The following PHF21B variants were observed in gnomAD, a reference collection of about 807,000 sequenced individuals.
PHF21B encodes the protein PHD finger protein 21B, also known as PHD finger protein 4.
Under a neutral mutation model 62.2 loss-of-function variants are expected in PHF21B, and 22 were observed. That is an observed-to-expected ratio of 0.35 (90% confidence interval 0.25 to 0.51). The LOEUF is 0.51. Ranked by LOEUF, PHF21B falls within the 20% of genes least tolerant of loss-of-function variation. The probability of loss-of-function intolerance (pLI) is 0.97; values close to 1 mark genes in which losing one functional copy is unlikely to be tolerated. For missense variants in PHF21B, 701 were observed against 707.9 expected (o/e 0.99, Z 0.11); for synonymous variants, 341 against 314.7 (o/e 1.08, Z -0.88).
chr22:45,005,697 T>A (rs1020140602), intron 2 of PHF21B, among the ~76,000 whole-genome samples: 1 of 152,218 alleles, frequency 6.6e-6, no homozygotes, highest in African/African-American at 2.4e-5. Context: ...TTCATTTTAC[T>A]ATCTAGTTCA....
chr22:44,943,675 A>T lies in PHF21B; in HGVS notation c.121-23185T>A, dbSNP rs531072566. On this transcript the variant is annotated intron_variant, in intron 2 of 12. Transcript: ENST00000313237. ...CAAACAGGTTTAGATTTCGACGGAC[A>T]GGTTTGGGGTCCACATTCAGTGGCC... Among the ~76,000 whole-genome samples the T allele has an allele frequency of 1.6e-3, 240 of 152,238 alleles. 2 individuals carry two copies. The highest frequency in any genetic ancestry group is 7.9e-3 in the South Asian group (38 of 4,824).
chr22:44,889,717 T>C, intron 9 of PHF21B, 43 bp downstream of exon 9: 1 of 1,578,864 alleles, frequency 6.3e-7, no homozygotes, highest in Non-Finnish European at 8.6e-7. Context: ...CTGAAAACAT[T>C]CTCCACCCCG....
chr22:44,895,336 T>C (rs182331874), intron 6 of PHF21B, among the ~76,000 whole-genome samples: 1 of 152,138 alleles, frequency 6.6e-6, no homozygotes, highest in Non-Finnish European at 1.5e-5. Context: ...ATTGCCCTCA[T>C]CATTCTACGA....
chr22:44,913,940 A>G lies in PHF21B; in HGVS notation c.713T>C (p.Val238Ala). 6.3e-7 allele frequency: 1 copy of G among 1,594,172 alleles called. No homozygotes were observed. Among genetic ancestry groups the G allele is most frequent in the Non-Finnish European group, 8.6e-7 (1 of 1,168,760 alleles). ...IFQVIIIQPQ[V>A]QTQPESTAES... ...TGCCGTGCTCTCGGGCTGCGTCTGC[A>G]CTTGAGGCTGAATGATGATGACCTG... Residue 238 changes from valine (V) to alanine (A), a missense_variant, in exon 5 of 13, where the codon GTG (valine) becomes GCG (alanine). Transcript: ENST00000313237.
intron 2 of PHF21B, among the ~76,000 whole-genome samples, chr22:44,934,835 A>G (rs1474719194): frequency 6.6e-6 from 1 of 151,594 alleles, no homozygotes; most frequent in African/African-American, 2.4e-5. Context: ...TCTGGTCCTC[A>G]CTCTTTCCTG....
intron 5 of PHF21B, among the ~76,000 whole-genome samples, chr22:44,911,133 G>GA (rs1256285345): frequency 1.3e-5 from 2 of 152,308 alleles, no homozygotes; most frequent in Non-Finnish European, 2.9e-5. Context: ...GTATCTGACA[G>GA]AAAAAACTTC....
chr22:44,980,425 T>C (rs930717431), intron 2 of PHF21B, among the ~76,000 whole-genome samples: 3 of 152,144 alleles, frequency 2.0e-5, no homozygotes, highest in Non-Finnish European at 4.4e-5. Context: ...CCTGCAGGGT[T>C]ACCGGGCATC....
Position 44,883,190 on chromosome 22 carries a change from T to C in PHF21B, c.1492A>G (p.Thr498Ala). The change falls in exon 13 of 13, where the codon ACC becomes GCC. Residue 498 changes from threonine (T) to alanine (A), a missense_variant. Physicochemically the swap from Thr to Ala is moderately conservative, Grantham distance 58 (BLOSUM62 0). Transcript: ENST00000313237. The stretch of plus-strand genomic sequence containing the variant: ...GGGGCAGGGCTAGTGGTCGTCATGG[T>C]GACCTGGAGCAGCTGCTCGCCCTGT... ...LIQGEQLLQV[T>A]MTTTSPAPLL... is the part of the protein sequence containing the mutation. The C allele has an allele frequency of 2.5e-6, 4 of 1,613,544 alleles. No individual in the cohort carries two copies. Among genetic ancestry groups the C allele is most frequent in the Non-Finnish European group, 3.4e-6 (4 of 1,179,936 alleles).
intron 2 of PHF21B, among the ~76,000 whole-genome samples, chr22:44,925,031 C>CA (rs1366545664): frequency 6.6e-6 from 1 of 151,968 alleles, no homozygotes; most frequent in African/African-American, 2.4e-5. Flanking sequence ...ATAACACTGC[C>CA]AAAAAAACCC....
chr22:44,919,740 T>C (rs1337018296), intron 3 of PHF21B, among the ~76,000 whole-genome samples: 1 of 152,248 alleles, frequency 6.6e-6, no homozygotes, highest in Non-Finnish European at 1.5e-5. Flanking sequence ...TACCTGGCGT[T>C]TGCTCTGTAC....
chr22:44,887,539 G>A (rs937741774), intron 10 of PHF21B, among the ~76,000 whole-genome samples: 43 of 152,050 alleles, frequency 2.8e-4, no homozygotes, highest in Non-Finnish European at 4.4e-4. Flanking sequence ...TTGATCACCT[G>A]AGGTCAGGAG....
intron 2 of PHF21B, among the ~76,000 whole-genome samples, chr22:44,975,988 C>T (rs756381621): frequency 7.9e-5 from 12 of 152,122 alleles, no homozygotes; most frequent in South Asian, 2.1e-4. Flanking sequence ...GGCAACATGG[C>T]GAAACCTCAT....
At chr22:44,975,322 A>C (rs1287085410) in intron 2 of PHF21B, among the ~76,000 whole-genome samples, 1 of 152,090 alleles carries the variant, frequency 6.6e-6, no homozygotes, top group Middle Eastern at 3.2e-3. Flanking sequence ...CCCTCTGGCC[A>C]CCGTGACACT....
At chr22:44,906,795 CAG>C (rs955359333) in intron 5 of PHF21B, among the ~76,000 whole-genome samples, 4 of 152,340 alleles carry the variant, frequency 2.6e-5, no homozygotes, top group East Asian at 1.9e-4. Context: ...GCCGTGACGA[CAG>C]GGGGAGAAGG....
chr22:44,898,230 G>T (rs6007376), intron 5 of PHF21B, among the ~76,000 whole-genome samples: 6,913 of 152,236 alleles, frequency 0.045, 454 homozygotes, highest in African/African-American at 0.15. Flanking sequence ...GAGGAGGACT[G>T]GTCAGGTATT....
intron 2 of PHF21B, among the ~76,000 whole-genome samples, chr22:44,927,046 C>A (rs2071646306): frequency 6.6e-6 from 1 of 152,038 alleles, no homozygotes; most frequent in Non-Finnish European, 1.5e-5. Flanking sequence ...AACTCCTGTG[C>A]CCTTACTTTA....
intron 5 of PHF21B, chr22:44,902,589 T>C (rs1028215055): frequency 7.8e-5 from 12 of 153,248 alleles, no homozygotes; most frequent in African/African-American, 2.7e-4. Context: ...TCTGGGATGG[T>C]TTTATTATTT....
chr22:44,936,661 T>C (rs762269928), intron 2 of PHF21B, among the ~76,000 whole-genome samples: 4 of 152,178 alleles, frequency 2.6e-5, no homozygotes, highest in Non-Finnish European at 5.9e-5. Flanking sequence ...TGAAATAATA[T>C]CTTGGACATA....
chr22:44,892,467 G>A (rs1306570073), intron 7 of PHF21B, among the ~76,000 whole-genome samples: 1 of 152,228 alleles, frequency 6.6e-6, no homozygotes, highest in Non-Finnish European at 1.5e-5. Context: ...CTTGAGCTCA[G>A]GTTCCCAAGA....
Sources: gnomAD v4.1 joint callset for allele counts (sites outside exome capture counted in the v4.1 genomes callset) on GRCh38, gnomAD v4.1.1 for gene constraint, MANE v1.5 for transcripts, NCBI Gene and HGNC (gene_info 2026-07-23, HGNC 2026-07-21) for gene names.